ZBBX: variants seen among roughly 807,000 people sequenced by gnomAD.
ZBBX encodes the protein zinc finger B-box domain containing.
Under a neutral mutation model 108.5 loss-of-function variants are expected in ZBBX, and 101 were observed. The observed-to-expected ratio is 0.93, with a 90% CI of 0.79 to 1.10. ZBBX has a LOEUF of 1.10. Among genes scored for constraint, ZBBX ranks in the 50% least tolerant of loss-of-function variants. The probability of loss-of-function intolerance (pLI) is 0.00; values close to 1 mark genes in which losing one functional copy is unlikely to be tolerated. For synonymous variants in ZBBX, 356 were observed against 323.4 expected (o/e 1.10, Z -1.08); for missense variants, 1,009 against 941.4 (o/e 1.07, Z -0.94).
chr3:167,382,385 T>C (rs1022623814), upstream of ZBBX, among the ~76,000 whole-genome samples: 7 of 152,184 alleles, frequency 4.6e-5, no homozygotes, highest in South Asian at 6.2e-4. Context: ...AAAATGCGTT[T>C]AACTGGCACA....
At chr3:167,402,752 G>A (rs1748463345) in intron 1 of ZBBX, among the ~76,000 whole-genome samples, 1 of 150,068 alleles carries the variant, frequency 6.7e-6, no homozygotes, top group Non-Finnish European at 1.5e-5. Flanking sequence ...AGAAAAATTA[G>A]TTAAAAATTA....
At chr3:167,338,709 C>G (rs1560148618) in intron 9 of ZBBX, among the ~76,000 whole-genome samples, 1 of 152,036 alleles carries the variant, frequency 6.6e-6, no homozygotes. Context: ...AAACTGAAAA[C>G]TCTAAACTCT....
At chr3:167,400,348 C>T (rs1220196616) in intron 1 of ZBBX, among the ~76,000 whole-genome samples, 4 of 152,154 alleles carry the variant, frequency 2.6e-5, no homozygotes, top group African/African-American at 7.2e-5. Context: ...CCCTTTTCTC[C>T]GCAGCCTCAC....
At position 167,240,863 on chromosome 3, in the gene ZBBX, G is replaced by A; in HGVS notation, c.2450C>T (p.Thr817Ile). The A allele has an allele frequency of 6.2e-7, 1 of 1,613,536 alleles. No homozygotes were observed. Among genetic ancestry groups the A allele is most frequent in the East Asian group, 2.2e-5 (1 of 44,862 alleles). Residue 817 changes from threonine to isoleucine, a missense_variant, in exon 22 of 22, where the codon ACA (threonine) becomes ATA (isoleucine). Transcript: ENST00000675490. Reference sequence around the variant, plus strand: ...GAGAAAATCTTCCTCCTCCTCATCTGTACTGCTCTCAGAAAGTGACAGCAA... The same window carrying A: ...GAGAAAATCTTCCTCCTCCTCATCTATACTGCTCTCAGAAAGTGACAGCAA... ...QSLLSLSESS[T>I]DEEEEDFLNK...
At chr3:167,407,813 C>G (rs994896829) in exon 1 of ZBBX, among the ~76,000 whole-genome samples, 3 of 151,964 alleles carry the variant, frequency 2.0e-5, no homozygotes, top group Non-Finnish European at 4.4e-5. Context: ...CTCACGCAGT[C>G]GACTCTGTGT....
At chr3:167,306,393 A>C (rs1332610937) in intron 16 of ZBBX, among the ~76,000 whole-genome samples, 1 of 152,170 alleles carries the variant, frequency 6.6e-6, no homozygotes, top group African/African-American at 2.4e-5. Context: ...GTGCCAGATG[A>C]AAGAAGAGCA....
chr3:167,315,734 A>AGAAAGGTTTTACCTTCGTTGAC lies in ZBBX; in HGVS notation c.1274+15_1274+16insGTCAACGAAGGTAAAACCTTTC, dbSNP rs1488241335. On this transcript the variant is annotated intron_variant, in intron 15 of 21. Transcript: ENST00000675490. ...GGGGCTCAATATGCACACAAAGTTA[A>AGAAAGGTTTTACCTTCGTTGAC]TTAGAAAGGTTTTACCTTCGTTGAC... 6.3e-7 allele frequency: 1 copy of AGAAAGGTTTTACCTTCGTTGAC among 1,590,312 alleles called. No homozygotes were observed. The highest frequency in any genetic ancestry group is 8.6e-7 in the Non-Finnish European group (1 of 1,163,360).
chr3:167,243,500 A>G (rs1048830387), intron 20 of ZBBX, among the ~76,000 whole-genome samples: 2 of 151,766 alleles, frequency 1.3e-5, no homozygotes, highest in African/African-American at 4.8e-5. Context: ...CTGGGTTCAA[A>G]TGATTCTCTT....
At chr3:167,206,379 C>A in the ZBBX span, among the ~76,000 whole-genome samples, 1 of 151,856 alleles carries the variant, frequency 6.6e-6, no homozygotes, top group Non-Finnish European at 1.5e-5. Flanking sequence ...TTTATTTATT[C>A]ATTCATCTGT....
At chr3:167,244,663 CA>C (rs1289922357) in intron 20 of ZBBX, among the ~76,000 whole-genome samples, 2 of 152,074 alleles carry the variant, frequency 1.3e-5, no homozygotes, top group African/African-American at 4.8e-5. Flanking sequence ...GTGTTAAACT[CA>C]AAAGGTCAAT....
chr3:167,234,726 C>T, the ZBBX span, among the ~76,000 whole-genome samples: 1 of 151,690 alleles, frequency 6.6e-6, no homozygotes, highest in African/African-American at 2.4e-5. Context: ...ATGCCAGTTG[C>T]CTTCAGTATC....
intron 18 of ZBBX, among the ~76,000 whole-genome samples, 193 bp downstream of exon 18, chr3:167,298,112 C>T (rs1304533788): frequency 1.3e-5 from 2 of 151,984 alleles, no homozygotes; most frequent in Admixed American, 6.6e-5. Context: ...GCTAAAAAAT[C>T]TTTCCTAGTT....
intron 6 of ZBBX, among the ~76,000 whole-genome samples, chr3:167,365,314 T>G (rs1217089114): frequency 6.6e-6 from 1 of 151,750 alleles, no homozygotes; most frequent in East Asian, 1.9e-4. Flanking sequence ...GAAGCAAAAT[T>G]GTTTTCTTTA....
At chr3:167,360,581 C>T (rs1440378880) in intron 7 of ZBBX, 94 bp downstream of exon 7, 6 of 712,824 alleles carry the variant, frequency 8.4e-6, no homozygotes, top group Non-Finnish European at 1.2e-5. Context: ...TTTATACTGC[C>T]CGGACAATTC....
chr3:167,259,286 T>C (rs1287439645), intron 20 of ZBBX, among the ~76,000 whole-genome samples: 2 of 152,200 alleles, frequency 1.3e-5, no homozygotes, highest in African/African-American at 4.8e-5. Flanking sequence ...CCTTGAATGA[T>C]CTTTTGTATT....
At chr3:167,390,858 T>C (rs1748064470) in intron 1 of ZBBX, among the ~76,000 whole-genome samples, 1 of 152,188 alleles carries the variant, frequency 6.6e-6, no homozygotes, top group South Asian at 2.1e-4. Context: ...TTTGCTGAAG[T>C]TGCTTATCAG....
At chr3:167,261,376 C>T (rs963311244) in intron 20 of ZBBX, among the ~76,000 whole-genome samples, 2 of 149,688 alleles carry the variant, frequency 1.3e-5, no homozygotes, top group Non-Finnish European at 3.0e-5. Context: ...TGGCGGTGGT[C>T]GGGGCCCTAG....
At position 167,322,166 on chromosome 3, in the gene ZBBX, C is replaced by A; in HGVS notation, c.934G>T (p.Glu312Ter). Residue 312 changes from glutamate to a stop codon, truncating the protein, a stop_gained, in exon 12 of 22, where the codon GAA becomes TAA. Coordinates refer to ENST00000675490, the MANE Select transcript of ZBBX (RefSeq NM_001199201.2). LOFTEE classifies it high-confidence loss of function. ...TTTTCCATATAGGATAGAATGTCTT[C>A]TTTAAGTTCAATATTAAGTGGTTCT... is the stretch of plus-strand genomic sequence containing the variant. ...WREPLNIELK[E>*]DILSYMEKLW... 6.9e-7 allele frequency: 1 copy of A among 1,458,244 alleles called. No individual in the cohort carries two copies. Among genetic ancestry groups the A allele is most frequent in the Non-Finnish European group, 9.1e-7 (1 of 1,094,148 alleles). The allele number at this position is 1,458,244 out of a possible 1,614,324, so 90.3% of individuals were successfully genotyped here.
At chr3:167,263,032 G>GTTTTTTTTTTTTTTTT (rs1192290285) in intron 20 of ZBBX, among the ~76,000 whole-genome samples, 3 of 111,034 alleles carry the variant, frequency 2.7e-5, no homozygotes, top group Non-Finnish European at 1.8e-5. Context: ...TGCTTTTCTA[G>GTTTTTTTTTTTTTTTT]TTCTTTTTTT....
Sources: gnomAD v4.1 joint callset for allele counts (sites outside exome capture counted in the v4.1 genomes callset) on GRCh38, gnomAD v4.1.1 for gene constraint, MANE v1.5 for transcripts, NCBI Gene and HGNC (gene_info 2026-07-23, HGNC 2026-07-21) for gene names.